Variants in PIK3C2A observed in about 807,000 individuals in gnomAD.
PIK3C2A encodes phosphatidylinositol-4-phosphate 3-kinase catalytic subunit type 2 alpha.
In PIK3C2A, 97 loss-of-function variants were observed where a neutral mutation model predicts 204.5. That is an observed-to-expected ratio of 0.47 (90% CI 0.40 to 0.56). The LOEUF is 0.56. Among genes scored for constraint, PIK3C2A ranks in the 20% least tolerant of loss-of-function variants. PIK3C2A has a pLI of 0.00. For synonymous variants in PIK3C2A, 653 were observed against 664.4 expected (o/e 0.98, Z 0.26); for missense variants, 1,735 against 1,969.2 (o/e 0.88, Z 2.25).
intron 12 of PIK3C2A, among the ~76,000 whole-genome samples, chr11:17,130,961 C>T (rs1362152646): frequency 6.6e-6 from 1 of 151,802 alleles, no homozygotes; most frequent in Non-Finnish European, 1.5e-5. Context: ...CCGAGGTGGG[C>T]GGATCACCTG....
chr11:17,153,520 A>G (rs564833562), intron 3 of PIK3C2A, among the ~76,000 whole-genome samples: 73 of 152,346 alleles, frequency 4.8e-4, no homozygotes, highest in African/African-American at 1.7e-3. Context: ...GTAAAAGGAA[A>G]GAAATAGGAC....
At chr11:17,103,813 T>A (rs1200726891) in intron 23 of PIK3C2A, among the ~76,000 whole-genome samples, 2 of 152,204 alleles carry the variant, frequency 1.3e-5, no homozygotes, top group African/African-American at 2.4e-5. Flanking sequence ...CCCTCTTACT[T>A]ATTAAATCAC....
chr11:17,148,527 TA>T, intron 5 of PIK3C2A, 139 bp downstream of exon 5: 1 of 718,406 alleles, frequency 1.4e-6, no homozygotes. Flanking sequence ...TATATTTCAA[TA>T]AAAGTTTATT....
intron 1 of PIK3C2A, among the ~76,000 whole-genome samples, chr11:17,207,576 C>T (rs1033070320): frequency 6.6e-6 from 1 of 152,186 alleles, no homozygotes; most frequent in African/African-American, 2.4e-5. Context: ...GGCGCACCTC[C>T]GCTCCCGAGA....
At chr11:17,101,816 G>A (rs1005963289) in intron 24 of PIK3C2A, among the ~76,000 whole-genome samples, 1 of 151,746 alleles carries the variant, frequency 6.6e-6, no homozygotes, top group Non-Finnish European at 1.5e-5. Flanking sequence ...TGTTAGCCAG[G>A]ATGGTCTCGA....
rs76532333 is a variant in PIK3C2A at position 17,140,063 on chromosome 11, G to A, written c.1705-3438C>T. On this transcript the variant is annotated intron_variant, in intron 8 of 32. Coordinates refer to ENST00000691414, the MANE Select transcript of PIK3C2A (RefSeq NM_002645.4). Reference sequence around the variant, plus strand: ...CTACTGCCATCCTGACTTCATTTTAGCAAATTGAATTAACATCCTATCTTC... The same window carrying A: ...CTACTGCCATCCTGACTTCATTTTAACAAATTGAATTAACATCCTATCTTC... Among the ~76,000 whole-genome samples the A allele has an allele frequency of 8.5e-5, 13 of 152,168 alleles. No individual in the cohort carries two copies. The East Asian group carries it at 2.5e-3, about 29-fold the overall frequency.
chr11:17,111,784 G>A (rs949073194), intron 21 of PIK3C2A, among the ~76,000 whole-genome samples: 1 of 151,084 alleles, frequency 6.6e-6, no homozygotes, highest in Non-Finnish European at 1.5e-5. Context: ...GGCTGAAGCA[G>A]GAGAACTGCA....
Position 17,122,731 on chromosome 11 carries a change from C to CT in PIK3C2A, c.2481dup (p.Gly828ArgfsTer12). On this transcript the variant is annotated frameshift_variant, in exon 14 of 33. Coordinates refer to ENST00000691414, the MANE Select transcript of PIK3C2A (RefSeq NM_002645.4). LOFTEE classifies it high-confidence loss of function. ...AGCACTATTCTTTCCATGACATATCCTTTTTTGGTAACTGTTCCAGGAACA... is the reference window on the plus strand; with the variant it reads ...AGCACTATTCTTTCCATGACATATCCTTTTTTTGGTAACTGTTCCAGGAACA... 1.3e-6 allele frequency: 2 copies of CT among 1,521,992 alleles called. No homozygotes were observed. The highest frequency in any genetic ancestry group is 9.1e-7 in the Non-Finnish European group (1 of 1,099,524). The allele number at this position is 1,521,992 out of a possible 1,614,324, so 94.3% of individuals were successfully genotyped here.
At chr11:17,117,805 C>T in intron 18 of PIK3C2A, 134 bp from the exon 19 acceptor site, 1 of 532,164 alleles carries the variant, frequency 1.9e-6, no homozygotes. Flanking sequence ...GCTCTGCCTC[C>T]CGGGTTCACG....
chr11:17,173,979 TTTTAGTAGAGACCAAAAAG>T (rs1321538546), intron 1 of PIK3C2A, among the ~76,000 whole-genome samples: 3 of 152,074 alleles, frequency 2.0e-5, no homozygotes, highest in African/African-American at 7.2e-5. Flanking sequence ...ATTTTTGTAT[TTTTAGTAGAGACCAAAAAG>T]TTTAGTAGAG....
chr11:17,147,725 G>C, intron 5 of PIK3C2A, 97 bp from the exon 6 acceptor site: 1 of 644,012 alleles, frequency 1.6e-6, no homozygotes, highest in Non-Finnish European at 2.8e-6. Flanking sequence ...AAATTGAAGA[G>C]AATGGTGAAA....
intron 13 of PIK3C2A, among the ~76,000 whole-genome samples, chr11:17,127,108 T>C (rs1590937906): frequency 6.6e-6 from 1 of 152,262 alleles, no homozygotes; most frequent in East Asian, 1.9e-4. Flanking sequence ...AGTAATGTAT[T>C]ATATTTAGCA....
chr11:17,121,791 T>A (rs533111867), intron 15 of PIK3C2A, among the ~76,000 whole-genome samples: 2 of 152,160 alleles, frequency 1.3e-5, no homozygotes, highest in South Asian at 4.1e-4. Context: ...CTACTTAGTC[T>A]CCTTGACTAC....
chr11:17,139,285 T>C (rs1015954478), intron 8 of PIK3C2A, among the ~76,000 whole-genome samples: 3 of 151,564 alleles, frequency 2.0e-5, no homozygotes, highest in African/African-American at 7.3e-5. Context: ...TGGAGTGCAG[T>C]GGCATGATCT....
chr11:17,145,002 C>T (rs1334382380), intron 8 of PIK3C2A, among the ~76,000 whole-genome samples: 1 of 151,754 alleles, frequency 6.6e-6, no homozygotes, highest in Non-Finnish European at 1.5e-5. Context: ...GCCAATCTCT[C>T]CCATTTGGAA....
chr11:17,096,983 G>T, intron 27 of PIK3C2A, 74 bp downstream of exon 27: 2 of 861,682 alleles, frequency 2.3e-6, no homozygotes, highest in Non-Finnish European at 1.9e-6. Context: ...AACTTTAGCA[G>T]AATCAGCAAA....
intron 9 of PIK3C2A, among the ~76,000 whole-genome samples, chr11:17,135,812 G>T (rs1027087952): frequency 6.6e-6 from 1 of 151,918 alleles, no homozygotes; most frequent in Non-Finnish European, 1.5e-5. Flanking sequence ...AGAATGCATG[G>T]ACTATGTTAT....
At chr11:17,177,120 T>C (rs1851364336) in intron 1 of PIK3C2A, among the ~76,000 whole-genome samples, 1 of 152,200 alleles carries the variant, frequency 6.6e-6, no homozygotes, top group Non-Finnish European at 1.5e-5. Context: ...TTTAAAGTTA[T>C]CTGGGTAAGT....
chr11:17,099,044 C>A (rs576083202), intron 26 of PIK3C2A, among the ~76,000 whole-genome samples: 4 of 152,164 alleles, frequency 2.6e-5, no homozygotes, highest in African/African-American at 9.7e-5. Flanking sequence ...TTCAGGCATG[C>A]GCCACTATGC....
Sources: gnomAD v4.1 joint callset for allele counts (sites outside exome capture counted in the v4.1 genomes callset) on GRCh38, gnomAD v4.1.1 for gene constraint, MANE v1.5 for transcripts, NCBI Gene and HGNC (gene_info 2026-07-23, HGNC 2026-07-21) for gene names.